Variants in CFAP299 observed in about 807,000 individuals in gnomAD.
CFAP299 encodes cilia and flagella associated protein 299.
Under a neutral mutation model 27.0 loss-of-function variants are expected in CFAP299, and 21 were observed. That is an observed-to-expected ratio of 0.78 (90% CI 0.55 to 1.12). CFAP299 has a LOEUF of 1.12. Ranked by LOEUF, CFAP299 falls within the 50% of genes most tolerant of loss-of-function variation. CFAP299 has a pLI of 0.00. For missense variants in CFAP299, 310 were observed against 276.6 expected (o/e 1.12, Z -0.86); for synonymous variants, 104 against 98.1 (o/e 1.06, Z -0.36).
At chr4:80,557,726 C>A (rs1051062064) in intron 2 of CFAP299, among the ~76,000 whole-genome samples, 1 of 152,040 alleles carries the variant, frequency 6.6e-6, no homozygotes, top group Non-Finnish European at 1.5e-5. Flanking sequence ...ATGCAAATAC[C>A]AGTTTTGGAA....
At chr4:80,553,161 C>T (rs1734610303) in intron 2 of CFAP299, among the ~76,000 whole-genome samples, 1 of 152,112 alleles carries the variant, frequency 6.6e-6, no homozygotes, top group Non-Finnish European at 1.5e-5. Context: ...CCACCCTCCA[C>T]CCTCAAGTAG....
At chr4:80,789,547 A>G (rs1372739439) in intron 3 of CFAP299, among the ~76,000 whole-genome samples, 1 of 152,098 alleles carries the variant, frequency 6.6e-6, no homozygotes, top group East Asian at 1.9e-4. Context: ...AAAGATTTAT[A>G]TAGATAAGTG....
chr4:80,608,275 A>T (rs1737780143), intron 3 of CFAP299: 4 of 1,113,978 alleles, frequency 3.6e-6, no homozygotes, highest in Non-Finnish European at 5.2e-6. Context: ...TTTAGATAGG[A>T]GATTTGTTAA....
chr4:80,560,254 G>T (rs1249427619), intron 2 of CFAP299, among the ~76,000 whole-genome samples: 1 of 151,932 alleles, frequency 6.6e-6, no homozygotes. Context: ...ACCCAGTCCT[G>T]GAAGCATTTA....
At chr4:80,540,437 T>G (rs1733946600) in intron 2 of CFAP299, among the ~76,000 whole-genome samples, 1 of 152,200 alleles carries the variant, frequency 6.6e-6, no homozygotes, top group South Asian at 2.1e-4. Context: ...AGTACATTAA[T>G]TCATTACCCC....
intron 3 of CFAP299, among the ~76,000 whole-genome samples, chr4:80,855,851 G>T (rs1473030251): frequency 1.3e-5 from 2 of 151,754 alleles, no homozygotes; most frequent in Non-Finnish European, 2.9e-5. Context: ...ATTGTGAATA[G>T]TGCCGCAATA....
chr4:80,558,362 G>GTTTTTTTTTTTTTTT (rs1351346440), intron 2 of CFAP299, among the ~76,000 whole-genome samples: 1 of 125,386 alleles, frequency 8.0e-6, no homozygotes, highest in Non-Finnish European at 1.6e-5. Context: ...TTGTTTGTTT[G>GTTTTTTTTTTTTTTT]TTTGTTTTTT....
At chr4:80,424,006 C>T (rs1727420962) in intron 2 of CFAP299, among the ~76,000 whole-genome samples, 1 of 152,208 alleles carries the variant, frequency 6.6e-6, no homozygotes, top group Admixed American at 6.5e-5. Flanking sequence ...CCCAGACTGT[C>T]CAAGAACTTT....
chr4:80,395,414 C>G (rs1220106346), intron 2 of CFAP299, among the ~76,000 whole-genome samples: 1 of 152,012 alleles, frequency 6.6e-6, no homozygotes, highest in Non-Finnish European at 1.5e-5. Flanking sequence ...TGCCTAATTG[C>G]TGTGGCTAAA....
chr4:80,419,917 A>G (rs928821217), intron 2 of CFAP299, among the ~76,000 whole-genome samples: 14 of 152,168 alleles, frequency 9.2e-5, no homozygotes, highest in Admixed American at 1.3e-4. Context: ...AAATTAACTG[A>G]CAACAGGCAG....
chr4:80,781,759 G>A (rs1297963555), intron 3 of CFAP299, among the ~76,000 whole-genome samples: 1 of 151,740 alleles, frequency 6.6e-6, no homozygotes, highest in Admixed American at 6.6e-5. Context: ...ATAGGACAGG[G>A]GTATAATTTA....
intron 3 of CFAP299, among the ~76,000 whole-genome samples, chr4:80,741,074 C>G (rs1029393708): frequency 3.3e-5 from 5 of 152,104 alleles, no homozygotes; most frequent in Non-Finnish European, 7.4e-5. Flanking sequence ...AAGACAAAAT[C>G]CCCTTTACTT....
At chr4:80,447,139 T>TTTG (rs1728668122) in intron 2 of CFAP299, among the ~76,000 whole-genome samples, 4 of 123,322 alleles carry the variant, frequency 3.2e-5, no homozygotes, top group African/African-American at 7.3e-5. Context: ...TGTTTTTTTT[T>TTTG]TTTTTTTTTT....
chr4:80,548,574 A>T (rs1050120398), intron 2 of CFAP299, among the ~76,000 whole-genome samples: 1 of 152,160 alleles, frequency 6.6e-6, no homozygotes, highest in Non-Finnish European at 1.5e-5. Flanking sequence ...CTAGGCTTTT[A>T]AAATATCTGC....
chr4:80,861,753 T>G (rs1273313206), intron 3 of CFAP299, among the ~76,000 whole-genome samples: 2 of 152,172 alleles, frequency 1.3e-5, no homozygotes, highest in Non-Finnish European at 2.9e-5. Context: ...AATGTTATTA[T>G]TCTAATAAAA....
chr4:80,900,422 G>A (rs1734830642), intron 4 of CFAP299, among the ~76,000 whole-genome samples: 2 of 151,988 alleles, frequency 1.3e-5, no homozygotes, highest in South Asian at 4.2e-4. Context: ...TAAAGAACGT[G>A]GGGAAAATAT....
intron 3 of CFAP299, among the ~76,000 whole-genome samples, chr4:80,630,227 T>A (rs934441444): frequency 6.6e-5 from 10 of 152,174 alleles, no homozygotes; most frequent in African/African-American, 1.9e-4. Context: ...GTATACGTTT[T>A]TCTTTTCTTG....
intron 4 of CFAP299, among the ~76,000 whole-genome samples, chr4:80,921,936 G>A (rs972004802): frequency 1.1e-4 from 17 of 151,950 alleles, no homozygotes; most frequent in African/African-American, 4.1e-4. Flanking sequence ...AAACATGGAT[G>A]TCTCAAAAAA....
intron 2 of CFAP299, among the ~76,000 whole-genome samples, chr4:80,538,415 C>G (rs992233089): frequency 6.6e-6 from 1 of 151,418 alleles, no homozygotes; most frequent in African/African-American, 2.4e-5. Context: ...CTTAACTGTA[C>G]AGTGTATGTA....
Sources: gnomAD v4.1 joint callset for allele counts (sites outside exome capture counted in the v4.1 genomes callset) on GRCh38, gnomAD v4.1.1 for gene constraint, MANE v1.5 for transcripts, NCBI Gene and HGNC (gene_info 2026-07-23, HGNC 2026-07-21) for gene names.